Variants in OVCH1 observed in about 807,000 individuals in gnomAD.
OVCH1 encodes ovochymase 1.
A neutral mutation model predicts 138.4 loss-of-function variants in OVCH1; 139 were observed. The observed-to-expected ratio is 1.00, with a 90% CI of 0.87 to 1.16. OVCH1 has a LOEUF of 1.16. Ranked by LOEUF, OVCH1 falls within the 50% of genes most tolerant of loss-of-function variation. The probability of loss-of-function intolerance (pLI) is 0.00; values close to 1 mark genes in which losing one functional copy is unlikely to be tolerated. For synonymous variants in OVCH1, 453 were observed against 467.8 expected (o/e 0.97, Z 0.41); for missense variants, 1,367 against 1,357.9 (o/e 1.01, Z -0.11).
chr12:29,456,224 TGTCACCTGCCAA>T (rs1322180825), intron 19 of OVCH1, among the ~76,000 whole-genome samples: 1 of 152,014 alleles, frequency 6.6e-6, no homozygotes, highest in Non-Finnish European at 1.5e-5. Context: ...TCTGAGTCCA[TGTCACCTGCCAA>T]AGTTCAGTGC....
intron 8 of OVCH1, among the ~76,000 whole-genome samples, chr12:29,482,995 C>T (rs1218446590): frequency 6.6e-6 from 1 of 152,192 alleles, no homozygotes; most frequent in Admixed American, 6.5e-5. Context: ...TGCCTTCTAA[C>T]TTCTACCCAG....
chr12:29,489,801 A>G, intron 5 of OVCH1, 30 bp from the exon 6 acceptor site: 1 of 1,594,154 alleles, frequency 6.3e-7, no homozygotes, highest in South Asian at 1.1e-5. Flanking sequence ...AAGTTAGCAC[A>G]CAATATCCTC....
Position 29,436,571 on chromosome 12 carries a change from G to T in OVCH1, c.3264+2757C>A, listed in dbSNP as rs563409790. Among the ~76,000 whole-genome samples the T allele has an allele frequency of 2.0e-5, 3 of 152,296 alleles. No homozygotes were observed. In the South Asian group the frequency reaches 6.2e-4, roughly 32 times the overall value. On this transcript the variant is annotated intron_variant, in intron 26 of 27. Transcript: ENST00000318184. The stretch of plus-strand genomic sequence containing the variant: ...TCTTGCTGACTTCAAGAATGAAGCC[G>T]CAGACATTTGCGGCGAGTGTTACAG...
intron 22 of OVCH1, among the ~76,000 whole-genome samples, chr12:29,446,015 T>G (rs1941604687): frequency 6.6e-6 from 1 of 152,118 alleles, no homozygotes; most frequent in African/African-American, 2.4e-5. Flanking sequence ...TACCTGCTGA[T>G]TGTACTACAT....
intron 14 of OVCH1, among the ~76,000 whole-genome samples, chr12:29,473,664 A>C (rs1250630931): frequency 6.6e-6 from 1 of 152,126 alleles, no homozygotes; most frequent in East Asian, 1.9e-4. Flanking sequence ...TCGCCATTCA[A>C]GCTAGGATCT....
intron 19 of OVCH1, among the ~76,000 whole-genome samples, chr12:29,459,770 CAAAATTA>C (rs963648253): frequency 4.0e-5 from 6 of 151,898 alleles, no homozygotes; most frequent in African/African-American, 1.5e-4. Context: ...TATATACCCA[CAAAATTA>C]AAAATTAAAA....
At chr12:29,411,293 A>T (rs12423185), downstream of OVCH1, among the ~76,000 whole-genome samples, 76,163 of 139,502 alleles carry the variant, frequency 0.55, 23,090 homozygotes, top group Middle Eastern at 0.77. Flanking sequence ...GAAGCCTTCT[A>T]CTCTCAACTC....
At chr12:29,493,661 T>G (rs947809076) in intron 4 of OVCH1, among the ~76,000 whole-genome samples, 2 of 152,206 alleles carry the variant, frequency 1.3e-5, no homozygotes, top group African/African-American at 4.8e-5. Flanking sequence ...AATTACATTT[T>G]TATATTTTCA....
intron 8 of OVCH1, among the ~76,000 whole-genome samples, chr12:29,482,547 A>G (rs553892137): frequency 1.3e-5 from 2 of 152,226 alleles, no homozygotes; most frequent in African/African-American, 4.8e-5. Context: ...TGTGTGTTTC[A>G]TTCACTGCTG....
chr12:29,409,425 G>C (rs926949827), downstream of OVCH1, among the ~76,000 whole-genome samples: 1 of 151,820 alleles, frequency 6.6e-6, no homozygotes, highest in Non-Finnish European at 1.5e-5. Flanking sequence ...GATCTTTCCT[G>C]CTTTCTCTTG....
rs759328080 is a variant in OVCH1, at chr12:29,478,915, A to G, written c.996-7T>C. The G allele has an allele frequency of 1.9e-6, 3 of 1,569,490 alleles. No homozygotes were observed. In the African/African-American group the frequency reaches 4.1e-5, roughly 21 times the overall value. On this transcript the variant is annotated splice_region_variant and splice_polypyrimidine_tract_variant and intron_variant, in intron 8 of 27. Transcript: ENST00000318184. ...TTGCTTTTCCATGTCTAAACTTGTAAATTTTATCAGGATTATTTTATCTTC... is the reference window on the plus strand; with the variant it reads ...TTGCTTTTCCATGTCTAAACTTGTAGATTTTATCAGGATTATTTTATCTTC...
At chr12:29,466,440 C>A (rs1290651140) in intron 16 of OVCH1, among the ~76,000 whole-genome samples, 2 of 142,138 alleles carry the variant, frequency 1.4e-5, no homozygotes, top group Non-Finnish European at 2.9e-5. Context: ...TACTGTTCAA[C>A]ATTGCCGAAT....
intron 21 of OVCH1, among the ~76,000 whole-genome samples, chr12:29,452,414 C>T (rs1382447466): frequency 6.6e-6 from 1 of 151,324 alleles, no homozygotes; most frequent in African/African-American, 2.4e-5. Flanking sequence ...TCTGTCATTT[C>T]TTTGTTAGTC....
chr12:29,493,104 T>C (rs898115185), intron 4 of OVCH1, among the ~76,000 whole-genome samples: 1 of 152,182 alleles, frequency 6.6e-6, no homozygotes, highest in African/African-American at 2.4e-5. Flanking sequence ...CACCCAGCTA[T>C]GAGAATTGAG....
chr12:29,442,930 T>C (rs1941525081), intron 25 of OVCH1, among the ~76,000 whole-genome samples: 1 of 151,976 alleles, frequency 6.6e-6, no homozygotes, highest in Non-Finnish European at 1.5e-5. Context: ...AAAACAACGA[T>C]TTGTGCCAAA....
rs756966409 is a variant in OVCH1 at position 29,445,369 on chromosome 12, A to C, written c.2790T>G (p.Thr930=). The change falls in exon 23 of 28, where the codon ACT becomes ACG. Residue 930 remains threonine (T), a synonymous_variant. Coordinates refer to ENST00000318184, the Ensembl canonical transcript of OVCH1. ...TCACCAGCGGTCCAGGACTCATGAA[A>C]GTCATTGAGTAAAGTCTTCTTCCAT... The C allele has an allele frequency of 2.5e-6, 4 of 1,610,884 alleles. No homozygotes were observed. In the South Asian group the frequency reaches 4.4e-5, roughly 18 times the overall value.
At chr12:29,489,463 G>C (rs1240318898) in intron 6 of OVCH1, among the ~76,000 whole-genome samples, 157 bp downstream of exon 6, 2 of 152,128 alleles carry the variant, frequency 1.3e-5, no homozygotes, top group Non-Finnish European at 2.9e-5. Flanking sequence ...TTCTGCTCAG[G>C]TCAAGTACAC....
At chr12:29,485,993 TAAA>T (rs1163697611) in intron 8 of OVCH1, among the ~76,000 whole-genome samples, 1 of 149,898 alleles carries the variant, frequency 6.7e-6, no homozygotes, top group Non-Finnish European at 1.5e-5. Context: ...AATAAATAAA[TAAA>T]TAAATAAATA....
chr12:29,492,145 G>A (rs996483269), intron 4 of OVCH1, among the ~76,000 whole-genome samples: 2 of 152,082 alleles, frequency 1.3e-5, no homozygotes, highest in African/African-American at 4.8e-5. Flanking sequence ...AAATATGATG[G>A]TCATGGAAAG....
Sources: allele counts gnomAD v4.1 joint callset (sites outside exome capture counted in the v4.1 genomes callset), GRCh38; gene constraint gnomAD v4.1.1; transcripts MANE v1.5; gene names NCBI Gene and HGNC (gene_info 2026-07-23, HGNC 2026-07-21).